EZH2: variants seen among roughly 807,000 people sequenced by gnomAD.
EZH2 encodes the protein enhancer of zeste 2 polycomb repressive complex 2 subunit, also known as histone-lysine N-methyltransferase EZH2.
A neutral mutation model predicts 98.4 loss-of-function variants in EZH2; 18 were observed. The observed-to-expected ratio is 0.18, with a 90% confidence interval of 0.13 to 0.27. The LOEUF is 0.27. Among genes scored for constraint, EZH2 ranks in the 10% least tolerant of loss-of-function variants. EZH2 has a pLI of 1.00. For missense variants in EZH2, 470 were observed against 935.1 expected, an observed-to-expected ratio of 0.50 and a Z score of 6.49; for synonymous variants, 338 against 312.3, an observed-to-expected ratio of 1.08 and a Z score of -0.87.
intron 15 of EZH2, among the ~76,000 whole-genome samples, chr7:148,812,027 G>C (rs1035769577): frequency 6.6e-6 from 1 of 152,192 alleles, no homozygotes; most frequent in African/African-American, 2.4e-5. Flanking sequence ...TGGCTTCCCT[G>C]TATCTTCAGC....
intron 1 of EZH2, among the ~76,000 whole-genome samples, chr7:148,870,941 A>C (rs906936721): frequency 6.6e-6 from 1 of 152,116 alleles, no homozygotes; most frequent in Non-Finnish European, 1.5e-5. Context: ...AGAAAAAAAA[A>C]AAAAAGGTTC....
At chr7:148,820,220 G>A (rs945588755) in intron 8 of EZH2, among the ~76,000 whole-genome samples, 5 of 152,116 alleles carry the variant, frequency 3.3e-5, no homozygotes, top group African/African-American at 1.2e-4. Context: ...AGCTTATAGT[G>A]TCTTGCCACA....
chr7:148,809,302 G>T lies in EZH2; in HGVS notation c.2110+8C>A, dbSNP rs748403028. The T allele has an allele frequency of 1.2e-6, 2 of 1,600,656 alleles. No individual in the cohort carries two copies. Among genetic ancestry groups the T allele is most frequent in the South Asian group, 1.1e-5 (1 of 90,774 alleles). The stretch of plus-strand genomic sequence containing the variant: ...GGGAGTTCCAATTCTCACGTCAAAG[G>T]TACCTACCTTTTGCATAGCAGTTTG... On this transcript the variant is annotated splice_region_variant and intron_variant, in intron 18 of 19. Transcript: ENST00000320356.
intron 1 of EZH2, among the ~76,000 whole-genome samples, chr7:148,880,447 T>C (rs1052245375): frequency 1.2e-4 from 18 of 152,214 alleles, no homozygotes; most frequent in African/African-American, 3.9e-4. Flanking sequence ...CCTTATATTT[T>C]TGCAAAGAGA....
chr7:148,868,718 G>A (rs1011737884), intron 1 of EZH2, among the ~76,000 whole-genome samples: 1 of 152,024 alleles, frequency 6.6e-6, no homozygotes, highest in Non-Finnish European at 1.5e-5. Context: ...TTTTTTGGTA[G>A]TCTAGATTTA....
At chr7:148,838,190 T>C (rs1034466398) in intron 3 of EZH2, among the ~76,000 whole-genome samples, 1 of 148,662 alleles carries the variant, frequency 6.7e-6, no homozygotes, top group Non-Finnish European at 1.5e-5. Context: ...CACCTCAGCC[T>C]CCCGAGTAGC....
chr7:148,846,620 G>A (rs1563022323), intron 2 of EZH2, 22 bp from the exon 3 acceptor site: 9 of 1,602,034 alleles, frequency 5.6e-6, no homozygotes, highest in Non-Finnish European at 6.0e-6. Flanking sequence ...AAATGAAGGA[G>A]AGGAAAGGAG....
At chr7:148,848,262 A>G (rs1355983686) in intron 1 of EZH2, among the ~76,000 whole-genome samples, 9 of 152,168 alleles carry the variant, frequency 5.9e-5, no homozygotes, top group Non-Finnish European at 1.2e-4. Flanking sequence ...GAGTGAAAGA[A>G]TAACTGCAAC....
At chr7:148,837,100 G>C in intron 3 of EZH2, 1 of 411,780 alleles carries the variant, frequency 2.4e-6, no homozygotes, top group Non-Finnish European at 4.8e-6. Context: ...CAACTACCCT[G>C]TGAGGTAGGT....
chr7:148,808,207 C>T (rs1342548457), intron 19 of EZH2, among the ~76,000 whole-genome samples: 1 of 152,224 alleles, frequency 6.6e-6, no homozygotes, highest in African/African-American at 2.4e-5. Flanking sequence ...GGGGTGAGGC[C>T]ACCGGGTCAT....
intron 3 of EZH2, chr7:148,836,932 T>C: frequency 2.0e-6 from 1 of 512,286 alleles, no homozygotes; most frequent in Non-Finnish European, 3.8e-6. Flanking sequence ...CTGAGACTCT[T>C]GGCAGAAGGC....
intron 3 of EZH2, among the ~76,000 whole-genome samples, chr7:148,843,583 GTTTTTTTTT>G (rs1157236882): frequency 6.2e-5 from 4 of 64,310 alleles, no homozygotes; most frequent in Non-Finnish European, 7.8e-5. Flanking sequence ...GGGAGTATAA[GTTTTTTTTT>G]TTTTTTTTTT....
At chr7:148,875,088 A>C (rs1051610930) in intron 1 of EZH2, among the ~76,000 whole-genome samples, 1 of 152,220 alleles carries the variant, frequency 6.6e-6, no homozygotes, top group African/African-American at 2.4e-5. Context: ...CAAAATGAAG[A>C]GAATTACTAA....
At position 148,809,380 on chromosome 7, in the gene EZH2, C is replaced by T. The variant is rs762681573; in HGVS notation, c.2040G>A (p.Val680=). Residue 680 remains valine, a synonymous_variant, in exon 18 of 20, where the codon GTG becomes GTA. Transcript: ENST00000320356. ...TTTTGTTACCCTTGCGGGTTGCATC[C>T]ACCACAAAATCTAAAAAGAAAAAAG... ...FLFNLNNDFV[V]DATRKGNKIR... is the part of the protein sequence containing the mutation. The T allele has an allele frequency of 4.8e-5, 77 of 1,598,424 alleles. No individual in the cohort carries two copies. Among genetic ancestry groups the T allele is most frequent in the Non-Finnish European group, 6.3e-5 (74 of 1,166,908 alleles).
At chr7:148,859,730 C>T (rs1193825272) in intron 1 of EZH2, among the ~76,000 whole-genome samples, 1 of 152,102 alleles carries the variant, frequency 6.6e-6, no homozygotes, top group African/African-American at 2.4e-5. Flanking sequence ...AACCCAGGAG[C>T]AAACTATGTA....
intron 6 of EZH2, 113 bp from the exon 7 acceptor site, chr7:148,827,379 T>G: frequency 1.3e-6 from 1 of 750,648 alleles, no homozygotes; most frequent in Non-Finnish European, 2.1e-6. Context: ...TAAGAAATCA[T>G]CTCTATTTTG....
At chr7:148,861,346 C>A (rs895143637) in intron 1 of EZH2, among the ~76,000 whole-genome samples, 1 of 151,844 alleles carries the variant, frequency 6.6e-6, no homozygotes, top group Non-Finnish European at 1.5e-5. Flanking sequence ...CCTGTCTCAG[C>A]CTCCTGAGTA....
intron 1 of EZH2, among the ~76,000 whole-genome samples, chr7:148,867,922 CCAGTCTCTTTGCTAA>C (rs1464735796): frequency 6.6e-6 from 1 of 152,222 alleles, no homozygotes; most frequent in Non-Finnish European, 1.5e-5. Flanking sequence ...CACAATGCTG[CCAGTCTCTTTGCTAA>C]CACATAGCAA....
chr7:148,868,399 G>A (rs1318572351), intron 1 of EZH2, among the ~76,000 whole-genome samples: 1 of 152,188 alleles, frequency 6.6e-6, no homozygotes, highest in Non-Finnish European at 1.5e-5. Flanking sequence ...CTGATGCAGG[G>A]GGAAGAGAGA....
Sources: gnomAD v4.1 joint callset for allele counts (sites outside exome capture counted in the v4.1 genomes callset) on GRCh38, gnomAD v4.1.1 for gene constraint, MANE v1.5 for transcripts, NCBI Gene and HGNC (gene_info 2026-07-23, HGNC 2026-07-21) for gene names.